The following ITGAX variants were observed in gnomAD, a reference collection of about 807,000 sequenced individuals.
ITGAX encodes integrin alpha-X.
In ITGAX, 99 loss-of-function variants were observed where a neutral mutation model predicts 140.2. The ratio of observed to expected loss-of-function variants is 0.71; its 90% CI spans 0.60 to 0.83. The LOEUF (loss-of-function observed/expected upper bound fraction) is 0.83. Among genes scored for constraint, ITGAX ranks in the 40% least tolerant of loss-of-function variants. The pLI is 0.00. For synonymous variants in ITGAX, 631 were observed against 600.4 expected, an observed-to-expected ratio of 1.05 and a Z score of -0.75; for missense variants, 1,444 against 1,482.0, an observed-to-expected ratio of 0.97 and a Z score of 0.42.
rs186804087 is a variant in ITGAX, at chr16:31,371,803, G to A, written c.2160+19G>A. Reference sequence around the variant, plus strand: ...GCTCCCGGTGCGTCTGGGCATGAACGTGGGTGGCGGCCGCGCTGGGGCTGG... The same window carrying A: ...GCTCCCGGTGCGTCTGGGCATGAACATGGGTGGCGGCCGCGCTGGGGCTGG... On this transcript the variant is annotated intron_variant, in intron 17 of 29. Transcript: ENST00000268296. 3.9e-5 allele frequency: 63 copies of A among 1,612,024 alleles called. No homozygotes were observed. In the East Asian group the frequency reaches 9.8e-4, roughly 25 times the overall value.
At chr16:31,368,570 C>A (rs552230559) in intron 14 of ITGAX, among the ~76,000 whole-genome samples, 1 of 150,340 alleles carries the variant, frequency 6.7e-6, no homozygotes, top group East Asian at 1.9e-4. Context: ...GAATTGACTC[C>A]AACTTTCTTT....
In ITGAX at chr16:31,378,823, T is replaced by G. The variant is rs1004716362; in HGVS notation, c.2790-745T>G. Among the ~76,000 whole-genome samples, 9 of 150,634 alleles carry G rather than the reference T, an allele frequency of 6.0e-5. No homozygotes were observed. The South Asian group carries it at 6.3e-4, about 11-fold the overall frequency. ...TGCTTTTCTAGACTCTCTCTCTTTT[T>G]TTTTTTTTTTGAGACCAAGTCTCAC... On this transcript the variant is annotated intron_variant, in intron 23 of 29. Coordinates refer to ENST00000268296, the MANE Select transcript of ITGAX (RefSeq NM_000887.5).
At position 31,363,230 on chromosome 16, in the gene ITGAX, G is replaced by T; in HGVS notation, c.1566G>T (p.Gly522=). 2 of 1,613,682 alleles carry T rather than the reference G, an allele frequency of 1.2e-6. No homozygotes were observed. The highest frequency in any genetic ancestry group is 1.1e-5 in the South Asian group (1 of 91,074). Residue 522 remains glycine (G), a synonymous_variant, in exon 14 of 30, where the codon GGG becomes GGT. Transcript: ENST00000268296. ...GEQGHPWGRF[G]AALTVLGDVN... Reference sequence around the variant, plus strand: ...AGGGCCACCCCTGGGGTCGCTTTGGGGCGGCTCTGACAGTGCTGGGGGATG... The same window carrying T: ...AGGGCCACCCCTGGGGTCGCTTTGGTGCGGCTCTGACAGTGCTGGGGGATG...
intron 17 of ITGAX, 54 bp from the exon 18 acceptor site, chr16:31,372,324 G>A: frequency 3.8e-6 from 6 of 1,566,204 alleles, no homozygotes; most frequent in South Asian, 3.5e-5. Context: ...ATGAGGCCGA[G>A]CGCAGCTCTT....
At chr16:31,368,712 G>A (rs1276967919) in intron 14 of ITGAX, among the ~76,000 whole-genome samples, 7 of 152,022 alleles carry the variant, frequency 4.6e-5, no homozygotes, top group Non-Finnish European at 1.0e-4. Context: ...AGATAAACAA[G>A]TGAACAAAGG....
At position 31,380,298 on chromosome 16, in the gene ITGAX, C is replaced by A; in HGVS notation, c.3093C>A (p.Arg1031=). ...CCATTGCTGGCTGCCTGCGGTTCCG[C>A]TGTGACGTCCCCTCCTTCAGCGTCC... ...DCSIAGCLRF[R]CDVPSFSVQE... is the part of the protein sequence containing the mutation. Residue 1031 remains arginine, a synonymous_variant, in exon 27 of 30, where the codon CGC becomes CGA. Coordinates refer to ENST00000268296, the MANE Select transcript of ITGAX (RefSeq NM_000887.5). The A allele has an allele frequency of 6.2e-7, 1 of 1,614,262 alleles. No individual in the cohort carries two copies. Among genetic ancestry groups the A allele is most frequent in the South Asian group, 1.1e-5 (1 of 91,088 alleles).
At chr16:31,361,288 G>T in intron 9 of ITGAX, 75 bp downstream of exon 9, 4 of 1,469,418 alleles carry the variant, frequency 2.7e-6, no homozygotes, top group Non-Finnish European at 3.7e-6. Flanking sequence ...CCGAGGCTCC[G>T]TGAAACAGGT....
At chr16:31,380,418 A>T (rs1407670569) in intron 27 of ITGAX, 39 bp downstream of exon 27, 1 of 1,611,154 alleles carries the variant, frequency 6.2e-7, no homozygotes, top group East Asian at 2.2e-5. Flanking sequence ...CCCCAGACTC[A>T]GGCGGGACCT....
Position 31,382,190 on chromosome 16 carries a change from C to A in ITGAX, c.*283C>A. 1 of 1,412,814 alleles carries A rather than the reference C, an allele frequency of 7.1e-7. No individual in the cohort carries two copies. The highest frequency in any genetic ancestry group is 9.2e-7 in the Non-Finnish European group (1 of 1,090,416). The allele number at this position is 1,412,814 out of a possible 1,614,324, so 87.5% of individuals were successfully genotyped here. ...GACAATACCCCCAGGCCTCAGTCTCCCTTCTCCCATGAGGCACGAATGATC... is the reference window on the plus strand; with the variant it reads ...GACAATACCCCCAGGCCTCAGTCTCACTTCTCCCATGAGGCACGAATGATC... On this transcript the variant is annotated 3_prime_UTR_variant, in exon 30 of 30. Transcript: ENST00000268296.
At chr16:31,369,767 CTTTT>C (rs968880903) in intron 14 of ITGAX, among the ~76,000 whole-genome samples, 1 of 151,982 alleles carries the variant, frequency 6.6e-6, no homozygotes, top group Non-Finnish European at 1.5e-5. Context: ...GTTATTATTC[CTTTT>C]TTTCTTTTCT....
chr16:31,380,910 T>C lies in ITGAX; in HGVS notation c.3290T>C (p.Leu1097Pro). 4 of 1,614,076 alleles carry C rather than the reference T, an allele frequency of 2.5e-6. No homozygotes were observed. Among genetic ancestry groups the C allele is most frequent in the South Asian group, 1.1e-5 (1 of 91,074 alleles). ...AFMRAQTTTV[L>P]EKYKVHNPTP... ...CTTCCACTTCAGACGACAACGGTGC[T>C]GGAGAAGTACAAGGTCCACAACCCC... The change falls in exon 29 of 30, where the codon CTG (leucine) becomes CCG (proline). Residue 1097 changes from leucine to proline, a missense_variant. Transcript: ENST00000268296.
intron 14 of ITGAX, among the ~76,000 whole-genome samples, chr16:31,368,615 T>A (rs1282578049): frequency 1.3e-5 from 2 of 151,802 alleles, no homozygotes; most frequent in Non-Finnish European, 2.9e-5. Context: ...TTTTTTATTT[T>A]TTATTTTTTT....
Position 31,363,232 on chromosome 16 carries a change from C to A in ITGAX, c.1568C>A (p.Ala523Glu), listed in dbSNP as rs200458998. Residue 523 changes from alanine (A) to glutamate (E), a missense_variant, in exon 14 of 30, where the codon GCG becomes GAG. Coordinates refer to ENST00000268296, the MANE Select transcript of ITGAX (RefSeq NM_000887.5). The part of the protein sequence containing the change: ...EQGHPWGRFG[A>E]ALTVLGDVNG... ...GGCCACCCCTGGGGTCGCTTTGGGG[C>A]GGCTCTGACAGTGCTGGGGGATGTG... 14 of 1,613,426 alleles carry A rather than the reference C, an allele frequency of 8.7e-6. No homozygotes were observed. The highest frequency in any genetic ancestry group is 1.7e-4 in the Middle Eastern group (1 of 6,048).
At chr16:31,356,145 G>A in intron 2 of ITGAX, 147 bp downstream of exon 2, 1 of 593,074 alleles carries the variant, frequency 1.7e-6, no homozygotes, top group African/African-American at 1.9e-5. Context: ...TGCCTTGAAG[G>A]CAGGCACGGT....
In ITGAX at chr16:31,360,438, C is replaced by T. The variant is rs1597064472; in HGVS notation, c.836C>T (p.Ala279Val). 6.2e-7 allele frequency: 1 copy of T among 1,612,198 alleles called. No homozygotes were observed. The highest frequency in any genetic ancestry group is 1.1e-5 in the South Asian group (1 of 90,868). ...YKDVIPMADA[A>V]GIIRYAIGVG... is the part of the protein sequence containing the mutation. ...GATGTCATCCCCATGGCTGATGCAG[C>T]AGGCATCATCCGCTATGCAATTGGG... The change falls in exon 8 of 30, where the codon GCA becomes GTA. Residue 279 changes from alanine (A) to valine (V), a missense_variant. Ala to Val is a moderately conservative substitution (Grantham distance 64). Transcript: ENST00000268296.
chr16:31,381,687 C>T (rs1442970255), intron 29 of ITGAX, 116 bp from the exon 30 acceptor site: 4 of 713,838 alleles, frequency 5.6e-6, no homozygotes, highest in Non-Finnish European at 7.6e-6. Context: ...GTTCCTAGTG[C>T]AGTGCTTTGA....
intron 14 of ITGAX, among the ~76,000 whole-genome samples, chr16:31,368,898 AT>A (rs2080921383): frequency 6.6e-6 from 1 of 152,124 alleles, no homozygotes. Flanking sequence ...GACACAGCAC[AT>A]GTTTCAGAGA....
intron 7 of ITGAX, 105 bp from the exon 8 acceptor site, chr16:31,360,205 G>T: frequency 6.6e-7 from 1 of 1,507,560 alleles, no homozygotes; most frequent in South Asian, 1.3e-5. Flanking sequence ...CTCTGGGTGG[G>T]ACTGGGGCCT....
Position 31,372,171 on chromosome 16 carries a change from G to T in ITGAX, c.2161-207G>T, listed in dbSNP as rs9935957. ...CATTGCTGATCGGGAGGTCTGGGGG[G>T]GGGGAGGAAAAAAACAAAGACAAAC... On this transcript the variant is annotated intron_variant, in intron 17 of 29. Transcript: ENST00000268296. 3.4e-4 allele frequency among the ~76,000 whole-genome samples: 52 copies of T among 151,744 alleles called. 1 individual carries two copies. The highest frequency in any genetic ancestry group is 1.9e-3 in the Admixed American group (29 of 15,264).
Sources: allele counts gnomAD v4.1 joint callset (sites outside exome capture counted in the v4.1 genomes callset), GRCh38; gene constraint gnomAD v4.1.1; transcripts MANE v1.5; gene names NCBI Gene and HGNC (gene_info 2026-07-23, HGNC 2026-07-21).